The following GAN variants were observed in gnomAD, a reference collection of about 807,000 sequenced individuals.
GAN encodes gigaxonin, also known as epididymis secretory sperm binding protein.
A neutral mutation model predicts 71.3 loss-of-function variants in GAN; 48 were observed. The observed-to-expected ratio is 0.67, with a 90% CI of 0.53 to 0.86. The LOEUF is 0.86. Ranked by LOEUF, GAN falls within the 40% of genes least tolerant of loss-of-function variation. The pLI is 0.00. For missense variants in GAN, 928 were observed against 770.1 expected (o/e 1.21, Z -2.43); for synonymous variants, 386 against 276.8 (o/e 1.39, Z -3.92).
intron 1 of GAN, among the ~76,000 whole-genome samples, chr16:81,330,283 A>T (rs1909532502): frequency 6.6e-6 from 1 of 152,224 alleles, no homozygotes; most frequent in African/African-American, 2.4e-5. Flanking sequence ...ATATCTCCAG[A>T]GACAAGGCTG....
chr16:81,373,552 C>T (rs1406973611), intron 9 of GAN, among the ~76,000 whole-genome samples: 1 of 152,188 alleles, frequency 6.6e-6, no homozygotes, highest in East Asian at 1.9e-4. Flanking sequence ...GTGTTAACAT[C>T]TTACATGACC....
chr16:81,362,560 A>G lies in GAN; in HGVS notation c.1035A>G (p.Glu345=). 1.2e-6 allele frequency: 2 copies of G among 1,610,518 alleles called. No individual in the cohort carries two copies. Among genetic ancestry groups the G allele is most frequent in the Non-Finnish European group, 8.5e-7 (1 of 1,176,644 alleles). The change falls in exon 6 of 11, where the codon GAA becomes GAG. Residue 345 remains glutamate (E), a synonymous_variant. Transcript: ENST00000648994. ...DENKQTLSSG[E]KYDPDANTWT... The stretch of plus-strand genomic sequence containing the variant: ...ATAAGCAGACTCTTAGCTCAGGAGA[A>G]AAGTATGATCCAGATGCAAATACAT...
At chr16:81,319,978 T>C (rs1909173483) in intron 1 of GAN, among the ~76,000 whole-genome samples, 2 of 152,242 alleles carry the variant, frequency 1.3e-5, no homozygotes, top group African/African-American at 4.8e-5. Flanking sequence ...TTTAAAGTTT[T>C]GTTTTATGTT....
At position 81,381,686 on chromosome 16, in the gene GAN, G is replaced by A. The variant is rs1049461925; in HGVS notation, c.*4090G>A. The A allele has an allele frequency of 5.3e-5, 8 of 152,272 alleles. No individual in the cohort carries two copies. Among genetic ancestry groups the A allele is most frequent in the East Asian group, 3.8e-4 (2 of 5,206 alleles). The allele number at this position is 152,272 out of a possible 1,614,324, so 9.4% of individuals were successfully genotyped here. A position where few individuals can be genotyped will look rare whatever the true frequency, so the allele number is the denominator to read the frequency against. Reference sequence around the variant, plus strand: ...CCACTATGGAACGGGCAAGGGCCCCGTCTTTGTCATCTGCCAGTCTCAGTG... The same window carrying A: ...CCACTATGGAACGGGCAAGGGCCCCATCTTTGTCATCTGCCAGTCTCAGTG... On this transcript the variant is annotated 3_prime_UTR_variant, in exon 11 of 11. Transcript: ENST00000648994.
At chr16:81,352,361 A>C (rs1910327936) in intron 2 of GAN, among the ~76,000 whole-genome samples, 1 of 152,058 alleles carries the variant, frequency 6.6e-6, no homozygotes, top group Middle Eastern at 3.2e-3. Flanking sequence ...TCCTCCGACT[A>C]CCCATTCCCC....
intron 1 of GAN, among the ~76,000 whole-genome samples, chr16:81,351,182 C>T (rs144435565): frequency 3.9e-5 from 6 of 152,218 alleles, no homozygotes; most frequent in South Asian, 2.1e-4. Flanking sequence ...TGGTTAGAAG[C>T]GGGCTATTGA....
At chr16:81,315,320 C>G (rs1908994532) in intron 1 of GAN, 40 bp downstream of exon 1, 3 of 1,382,080 alleles carry the variant, frequency 2.2e-6, no homozygotes, top group Non-Finnish European at 2.8e-6. Context: ...GGCGGTGCTG[C>G]CCGGAGCCGG....
At position 81,327,519 on chromosome 16, in the gene GAN, C is replaced by T. The variant is rs139706974; in HGVS notation, c.167+12239C>T. Among the ~76,000 whole-genome samples the T allele has an allele frequency of 6.6e-5, 10 of 152,266 alleles. No individual in the cohort carries two copies. The East Asian group carries it at 1.7e-3, about 26-fold the overall frequency. ...TCACTTAATGCTTCGGTTTGAACTACACAAAAAAGACAAGTACAAAGACAA... is the reference window on the plus strand; with the variant it reads ...TCACTTAATGCTTCGGTTTGAACTATACAAAAAAGACAAGTACAAAGACAA... On this transcript the variant is annotated intron_variant, in intron 1 of 10. Coordinates refer to ENST00000648994, the MANE Select transcript of GAN (RefSeq NM_022041.4).
chr16:81,362,131 C>G (rs1399857783), intron 5 of GAN, among the ~76,000 whole-genome samples: 1 of 152,130 alleles, frequency 6.6e-6, no homozygotes, highest in Non-Finnish European at 1.5e-5. Context: ...TTCCTGGGGT[C>G]TAGAATGAAC....
intron 6 of GAN, among the ~76,000 whole-genome samples, chr16:81,363,084 A>G (rs1200590878): frequency 6.6e-6 from 1 of 152,266 alleles, no homozygotes; most frequent in Admixed American, 6.5e-5. Flanking sequence ...GGTTTACTAC[A>G]TAAATATTCA....
At chr16:81,333,141 C>G (rs919416709) in intron 1 of GAN, among the ~76,000 whole-genome samples, 2 of 151,010 alleles carry the variant, frequency 1.3e-5, no homozygotes, top group Non-Finnish European at 2.9e-5. Flanking sequence ...ACTTGGGAGG[C>G]TGAGGCAGGA....
rs141192564 is a variant in GAN, at chr16:81,319,415, C to T, written c.167+4135C>T. ...GGCTCTTCCGATTCTGGCACAGTCC[C>T]ATTGATCTGATGCAAAGTTCAGACC... On this transcript the variant is annotated intron_variant, in intron 1 of 10. Coordinates refer to ENST00000648994, the MANE Select transcript of GAN (RefSeq NM_022041.4). Among the ~76,000 whole-genome samples, 199 of 152,036 alleles carry T rather than the reference C, an allele frequency of 1.3e-3. 2 individuals carry two copies. In the Middle Eastern group the frequency reaches 0.017, roughly 13 times the overall value.
chr16:81,343,359 A>C (rs1323244423), intron 1 of GAN, among the ~76,000 whole-genome samples: 2 of 152,238 alleles, frequency 1.3e-5, no homozygotes, highest in Non-Finnish European at 2.9e-5. Flanking sequence ...ATTGATGTGA[A>C]AATCCTCAAT....
intron 1 of GAN, among the ~76,000 whole-genome samples, chr16:81,344,234 C>T (rs1267038963): frequency 6.6e-6 from 1 of 152,190 alleles, no homozygotes; most frequent in Non-Finnish European, 1.5e-5. Flanking sequence ...CTGCCGCTGA[C>T]TTTCTTCACA....
chr16:81,322,450 T>C (rs1230136381), intron 1 of GAN, among the ~76,000 whole-genome samples: 1 of 152,250 alleles, frequency 6.6e-6, no homozygotes, highest in Admixed American at 6.5e-5. Flanking sequence ...GGCCAATGCG[T>C]ATCATAAATG....
chr16:81,351,335 TG>T (rs1331763672), intron 1 of GAN, among the ~76,000 whole-genome samples: 1 of 152,208 alleles, frequency 6.6e-6, no homozygotes, highest in African/African-American at 2.4e-5. Flanking sequence ...CATGGTCATG[TG>T]GATCTTAGTT....
rs2150703485 is a variant in GAN, at chr16:81,385,871, TG to T, written c.*8276del. ...CTCAAGGGATCCTCCTGCCTCGGCC[TG>T]CCAAGTAGCTGGGACTACAAGTGCA... On this transcript the variant is annotated 3_prime_UTR_variant, in exon 11 of 11. Transcript: ENST00000648994. 1 of 149,844 alleles carries T rather than the reference TG, an allele frequency of 6.7e-6. No homozygotes were observed. Among genetic ancestry groups the T allele is most frequent in the East Asian group, 2.0e-4 (1 of 5,042 alleles). The allele number at this position is 149,844 out of a possible 1,614,324, so 9.3% of individuals were successfully genotyped here.
intron 1 of GAN, among the ~76,000 whole-genome samples, chr16:81,343,951 C>T (rs572118190): frequency 1.3e-5 from 2 of 152,284 alleles, no homozygotes; most frequent in South Asian, 2.1e-4. Context: ...TGCAAAATCA[C>T]AAGTGTTGCT....
chr16:81,356,282 A>G (rs1301313806), intron 3 of GAN, among the ~76,000 whole-genome samples: 1 of 152,182 alleles, frequency 6.6e-6, no homozygotes, highest in Non-Finnish European at 1.5e-5. Flanking sequence ...TTGAACAGTA[A>G]TTACTGCAAA....
Sources: gnomAD v4.1 joint callset for allele counts (sites outside exome capture counted in the v4.1 genomes callset) on GRCh38, gnomAD v4.1.1 for gene constraint, MANE v1.5 for transcripts, NCBI Gene and HGNC (gene_info 2026-07-23, HGNC 2026-07-21) for gene names.